The following PLA2G7 variants were observed in gnomAD, a reference collection of about 807,000 sequenced individuals.
The protein encoded by PLA2G7 is platelet-activating factor acetylhydrolase.
PLA2G7 carries 63 observed loss-of-function variants against 49.6 expected under a neutral mutation model. The observed-to-expected ratio is 1.27, with a 90% confidence interval of 1.04 to 1.57. The LOEUF (loss-of-function observed/expected upper bound fraction) is 1.57, where lower values mean the gene tolerates loss of function less well. Among genes scored for constraint, PLA2G7 ranks in the 40% most tolerant of loss-of-function variants. PLA2G7 has a pLI of 0.00. For synonymous variants in PLA2G7, 193 were observed against 169.9 expected, an observed-to-expected ratio of 1.14 and a Z score of -1.06; for missense variants, 596 against 521.2, an observed-to-expected ratio of 1.14 and a Z score of -1.40.
At chr6:46,713,893 C>T (rs1056809647) in intron 5 of PLA2G7, among the ~76,000 whole-genome samples, 1 of 152,184 alleles carries the variant, frequency 6.6e-6, no homozygotes, top group South Asian at 2.1e-4. Flanking sequence ...TTAGCCCATT[C>T]CTATGAGATA....
Position 46,714,457 on chromosome 6 carries a change from T to C in PLA2G7, c.470+3A>G. 1 of 1,589,406 alleles carries C rather than the reference T, an allele frequency of 6.3e-7. No individual in the cohort carries two copies. The highest frequency in any genetic ancestry group is 8.6e-7 in the Non-Finnish European group (1 of 1,157,636). On this transcript the variant is annotated splice_donor_region_variant and intron_variant, in intron 5 of 11. Transcript: ENST00000274793. ...CAAAATTGTTCAACCTCTCAAACAT[T>C]ACCTGAATGCCCCAAGACCATGAGA...
At chr6:46,734,596 G>C (rs1234545686) in intron 1 of PLA2G7, among the ~76,000 whole-genome samples, 1 of 151,998 alleles carries the variant, frequency 6.6e-6, no homozygotes, top group African/African-American at 2.4e-5. Context: ...GCGGAGGCGG[G>C]CGAATCACGA....
chr6:46,723,767 C>G (rs1344603934), intron 1 of PLA2G7, among the ~76,000 whole-genome samples: 6 of 152,128 alleles, frequency 3.9e-5, no homozygotes, highest in East Asian at 1.9e-4. Flanking sequence ...TAAAATCTAT[C>G]CCCAACACAG....
intron 2 of PLA2G7, 43 bp downstream of exon 2, chr6:46,722,740 G>A (rs760745462): frequency 7.6e-6 from 9 of 1,180,258 alleles, no homozygotes; most frequent in South Asian, 3.7e-5. Flanking sequence ...GAAGTATGGC[G>A]ACAGATCAGT....
rs1356745158 is a variant in PLA2G7, at chr6:46,711,422, A to G, written c.663+74T>C. 1.0e-5 allele frequency: 16 copies of G among 1,556,228 alleles called. No individual in the cohort carries two copies. The African/African-American group carries it at 1.6e-4, about 16-fold the overall frequency. ...AGGAGCATAACTTGCCAGGTGTAAAATTAAATTAACAAATGTCATCCTTTT... is the reference window on the plus strand; with the variant it reads ...AGGAGCATAACTTGCCAGGTGTAAAGTTAAATTAACAAATGTCATCCTTTT... On this transcript the variant is annotated intron_variant, in intron 7 of 11. Coordinates refer to ENST00000274793, the MANE Select transcript of PLA2G7 (RefSeq NM_005084.4).
intron 8 of PLA2G7, 23 bp downstream of exon 8, chr6:46,710,522 A>T: frequency 7.1e-7 from 1 of 1,402,258 alleles, no homozygotes; most frequent in Non-Finnish European, 1.0e-6. Flanking sequence ...AGGACAAGAG[A>T]AAAATTACTT....
At chr6:46,721,268 G>C (rs1045521999) in intron 2 of PLA2G7, among the ~76,000 whole-genome samples, 1 of 151,452 alleles carries the variant, frequency 6.6e-6, no homozygotes, top group African/African-American at 2.4e-5. Flanking sequence ...GGCTGGTCTC[G>C]AACTCCTGAC....
At chr6:46,731,029 G>A (rs562055000) in intron 1 of PLA2G7, among the ~76,000 whole-genome samples, 16 of 152,302 alleles carry the variant, frequency 1.1e-4, no homozygotes, top group African/African-American at 3.6e-4. Context: ...ATTAAGTCAC[G>A]AGCTGACATT....
intron 1 of PLA2G7, among the ~76,000 whole-genome samples, chr6:46,730,775 T>C (rs1033898645): frequency 6.6e-6 from 1 of 152,152 alleles, no homozygotes; most frequent in African/African-American, 2.4e-5. Context: ...GTGAAACAAA[T>C]AGATTTCTGG....
chr6:46,725,482 G>C (rs1431613490), intron 1 of PLA2G7, among the ~76,000 whole-genome samples: 2 of 151,914 alleles, frequency 1.3e-5, no homozygotes, highest in African/African-American at 2.4e-5. Context: ...TGCCCACCTT[G>C]GCCTCCCAAA....
At chr6:46,710,198 C>T (rs376552964) in intron 8 of PLA2G7, among the ~76,000 whole-genome samples, 100 of 152,214 alleles carry the variant, frequency 6.6e-4, no homozygotes, top group African/African-American at 2.4e-3. Flanking sequence ...TTTTTCCACC[C>T]GCTCCCAAAC....
Position 46,723,040 on chromosome 6 carries a change from A to G in PLA2G7, c.-34-115T>C. The G allele has an allele frequency of 1.4e-5, 9 of 656,392 alleles. No individual in the cohort carries two copies. The South Asian group carries it at 1.5e-4, about 11-fold the overall frequency. The allele number at this position is 656,392 out of a possible 1,614,324, so 40.7% of individuals were successfully genotyped here. A position where few individuals can be genotyped will look rare whatever the true frequency, so the allele number is the denominator to read the frequency against. ...AACACTTGGAAAAAATAAAACATGT[A>G]TTTTCTGTGCTGGGTTTTAGATTGG... is the stretch of plus-strand genomic sequence containing the variant. On this transcript the variant is annotated intron_variant, in intron 1 of 11. Coordinates refer to ENST00000274793, the MANE Select transcript of PLA2G7 (RefSeq NM_005084.4).
At chr6:46,715,046 C>T (rs1765161309) in intron 4 of PLA2G7, among the ~76,000 whole-genome samples, 1 of 152,054 alleles carries the variant, frequency 6.6e-6, no homozygotes, top group Non-Finnish European at 1.5e-5. Context: ...AAGTTCTTTC[C>T]TCAGACCATA....
intron 1 of PLA2G7, among the ~76,000 whole-genome samples, chr6:46,733,913 A>T (rs1354650000): frequency 6.6e-6 from 1 of 152,174 alleles, no homozygotes; most frequent in Non-Finnish European, 1.5e-5. Flanking sequence ...GATCAAAAGT[A>T]ATTTGTGCAA....
chr6:46,712,420 G>T, intron 5 of PLA2G7, 83 bp from the exon 6 acceptor site: 1 of 1,005,958 alleles, frequency 9.9e-7, no homozygotes. Flanking sequence ...GGAACATGGA[G>T]GCCATTACAC....
At chr6:46,719,477 C>G (rs1318744914) in intron 2 of PLA2G7, among the ~76,000 whole-genome samples, 9 of 152,198 alleles carry the variant, frequency 5.9e-5, no homozygotes, top group Non-Finnish European at 1.3e-4. Context: ...TTAAGAGACA[C>G]TGGGCTGAAG....
intron 7 of PLA2G7, 48 bp downstream of exon 7, chr6:46,711,448 G>A (rs1382661352): frequency 3.7e-6 from 6 of 1,604,916 alleles, no homozygotes; most frequent in South Asian, 3.3e-5. Context: ...TCATCCTTTT[G>A]TACATGCTTT....
intron 2 of PLA2G7, among the ~76,000 whole-genome samples, chr6:46,722,459 C>T (rs574504347): frequency 3.7e-4 from 56 of 152,196 alleles, no homozygotes; most frequent in African/African-American, 1.3e-3. Flanking sequence ...CTTGTGTGGG[C>T]ATGCGTTAGG....
chr6:46,708,240 G>T, intron 9 of PLA2G7, 79 bp from the exon 10 acceptor site: 1 of 1,093,446 alleles, frequency 9.1e-7, no homozygotes. Flanking sequence ...ATAATGCTAG[G>T]ATTGGTGGAC....
Sources: gnomAD v4.1 joint callset for allele counts (sites outside exome capture counted in the v4.1 genomes callset) on GRCh38, gnomAD v4.1.1 for gene constraint, MANE v1.5 for transcripts, NCBI Gene and HGNC (gene_info 2026-07-23, HGNC 2026-07-21) for gene names.